Variants in HIF3A observed in about 807,000 individuals in gnomAD.
The protein encoded by HIF3A is hypoxia inducible factor 3 subunit alpha.
HIF3A carries 41 observed loss-of-function variants against 67.2 expected under a neutral mutation model. That is an observed-to-expected ratio of 0.61 (90% CI 0.48 to 0.79). HIF3A has a LOEUF of 0.79. Ranked by LOEUF, HIF3A falls within the 30% of genes least tolerant of loss-of-function variation. HIF3A has a pLI of 0.00. For missense variants in HIF3A, 855 were observed against 898.0 expected (o/e 0.95, Z 0.61); for synonymous variants, 356 against 374.8 (o/e 0.95, Z 0.58).
chr19:46,307,841 G>T (rs151103122), intron 3 of HIF3A, among the ~76,000 whole-genome samples: 2 of 152,054 alleles, frequency 1.3e-5, no homozygotes, highest in Non-Finnish European at 2.9e-5. Flanking sequence ...GGATCAGATC[G>T]CTTGAGCCCA....
At position 46,309,285 on chromosome 19, in the gene HIF3A, G is replaced by A; in HGVS notation, c.696G>A (p.Leu232=). 2 of 1,613,662 alleles carry A rather than the reference G, an allele frequency of 1.2e-6. No individual in the cohort carries two copies. Among genetic ancestry groups the A allele is most frequent in the Non-Finnish European group, 1.7e-6 (2 of 1,179,854 alleles). ...ICEAIPHPGS[L]EPPLGRGAFL... is the part of the protein sequence containing the mutation. The stretch of plus-strand genomic sequence containing the variant: ...AAGCCATCCCCCACCCAGGCAGCCT[G>A]GAGCCCCCACTGGGCCGAGGGGCCT... The change falls in exon 6 of 15, where the codon CTG becomes CTA. Residue 232 remains leucine (L), a synonymous_variant. Transcript: ENST00000377670.
At chr19:46,308,874 G>A (rs1969162467) in intron 5 of HIF3A, 99 bp downstream of exon 5, 11 of 830,716 alleles carry the variant, frequency 1.3e-5, no homozygotes, top group Middle Eastern at 6.0e-4. Flanking sequence ...CTCCTAGGCT[G>A]GGGACCCTGC....
chr19:46,300,294 C>T (rs1601177341), intron 1 of HIF3A, among the ~76,000 whole-genome samples: 1 of 152,180 alleles, frequency 6.6e-6, no homozygotes, highest in Non-Finnish European at 1.5e-5. Context: ...GAGTAATCCA[C>T]AGGTTACTGT....
intron 9 of HIF3A, 109 bp from the exon 10 acceptor site, chr19:46,321,667 C>G (rs1648475332): frequency 2.0e-6 from 2 of 978,574 alleles, no homozygotes; most frequent in Admixed American, 2.0e-5. Context: ...CAGTGGCCAT[C>G]CTGACCTGCT....
chr19:46,343,127 C>CTTA lies in HIF3A; in HGVS notation c.*3505_*3506insTTA, dbSNP rs1971988123. 6.5e-6 allele frequency: 1 copy of CTTA among 152,884 alleles called. No homozygotes were observed. 9.5% of individuals were successfully genotyped at this position (152,884 alleles called of 1,614,324 possible). A position where few individuals can be genotyped will look rare whatever the true frequency, so the allele number is the denominator to read the frequency against. On this transcript the variant is annotated 3_prime_UTR_variant, in exon 15 of 15. Coordinates refer to ENST00000377670, the MANE Select transcript of HIF3A (RefSeq NM_152795.4). ...CCACCATCTATGTGCCTCCCTTACC[C>CTTA]CCCAGCTTTCTTTCTACAGATGGTG...
intron 7 of HIF3A, 46 bp from the exon 8 acceptor site, chr19:46,312,460 A>C: frequency 1.2e-6 from 2 of 1,602,760 alleles, no homozygotes; most frequent in Non-Finnish European, 1.7e-6. Flanking sequence ...TTCTCTCCCC[A>C]TTTGCCCCCT....
At chr19:46,308,195 A>AC (rs1200430204) in intron 3 of HIF3A, 26 bp from the exon 4 acceptor site, 1 of 1,491,532 alleles carries the variant, frequency 6.7e-7, no homozygotes, top group Non-Finnish European at 9.4e-7. Context: ...GCCCTGGTAG[A>AC]CCCCCACCCC....
intron 10 of HIF3A, among the ~76,000 whole-genome samples, chr19:46,323,709 C>T (rs974038908): frequency 4.6e-5 from 7 of 152,146 alleles, no homozygotes; most frequent in East Asian, 1.9e-4. Context: ...AATGGACTCA[C>T]GGTTCCACAT....
At chr19:46,325,662 G>A in intron 11 of HIF3A, 23 bp downstream of exon 11, 1 of 1,478,866 alleles carries the variant, frequency 6.8e-7, no homozygotes, top group Non-Finnish European at 9.4e-7. Context: ...ATGGAAGGGA[G>A]TAATCCTCAG....
chr19:46,329,472 G>T lies in HIF3A; in HGVS notation c.1706G>T (p.Arg569Leu). Reference sequence around the variant, plus strand: ...GCATCCTCTCCCATGGCTGGGGCTCGGAAGAGGTGAGCCACAGTAAAGGGG... The same window carrying T: ...GCATCCTCTCCCATGGCTGGGGCTCTGAAGAGGTGAGCCACAGTAAAGGGG... ...PSASSPMAGA[R>L]KRTLAQSSED... Residue 569 changes from arginine to leucine, a missense_variant, in exon 12 of 15, where the codon CGG (arginine) becomes CTG (leucine). Arg to Leu is a moderately radical substitution (Grantham distance 102, BLOSUM62 -2). Coordinates refer to ENST00000377670, the MANE Select transcript of HIF3A (RefSeq NM_152795.4). 1 of 1,516,322 alleles carries T rather than the reference G, an allele frequency of 6.6e-7. No individual in the cohort carries two copies. Among genetic ancestry groups the T allele is most frequent in the Non-Finnish European group, 8.8e-7 (1 of 1,131,382 alleles). 93.9% of individuals were successfully genotyped at this position (1,516,322 alleles called of 1,614,324 possible).
At chr19:46,335,127 TCTCTC>T in intron 14 of HIF3A, 141 bp downstream of exon 14, 2 of 594,292 alleles carry the variant, frequency 3.4e-6, no homozygotes, top group Non-Finnish European at 5.7e-6. Context: ...TCCTGTCTCT[TCTCTC>T]TTCTCATGGG....
At chr19:46,307,099 G>GT (rs112686328) in intron 3 of HIF3A, among the ~76,000 whole-genome samples, 53,869 of 151,860 alleles carry the variant, frequency 0.35, 10,512 homozygotes, top group African/African-American at 0.51. Context: ...TTGTTCAGCA[G>GT]CTTTTTAAAT....
chr19:46,321,025 C>A (rs974910127), intron 9 of HIF3A, among the ~76,000 whole-genome samples: 4 of 152,156 alleles, frequency 2.6e-5, no homozygotes, highest in Non-Finnish European at 5.9e-5. Context: ...CCTTCAAGAC[C>A]TCACCTTCTC....
In HIF3A at chr19:46,297,043, C is replaced by A. The variant is rs760740566; in HGVS notation, c.-34C>A. On this transcript the variant is annotated 5_prime_UTR_variant, in exon 1 of 15. Coordinates refer to ENST00000377670, the MANE Select transcript of HIF3A (RefSeq NM_152795.4). The surrounding 1 kb of genome is among the most constrained non-coding windows in gnomAD (Gnocchi z 4.5). ...GCAAGGCCGGGGAGGGGGCTAGGGGCCTCCGAGGGCTCCGGAGCGGCGACT... is the reference window on the plus strand; with the variant it reads ...GCAAGGCCGGGGAGGGGGCTAGGGGACTCCGAGGGCTCCGGAGCGGCGACT... 1.5e-6 allele frequency: 2 copies of A among 1,294,506 alleles called. No homozygotes were observed. Among genetic ancestry groups the A allele is most frequent in the African/African-American group, 3.0e-5 (2 of 66,084 alleles). The allele number at this position is 1,294,506 out of a possible 1,614,324, so 80.2% of individuals were successfully genotyped here. A position where few individuals can be genotyped will look rare whatever the true frequency, so the allele number is the denominator to read the frequency against.
chr19:46,330,489 GGGAT>G (rs560533077), intron 12 of HIF3A, among the ~76,000 whole-genome samples: 3,962 of 151,498 alleles, frequency 0.026, 80 homozygotes, highest in African/African-American at 0.042. Context: ...GATGGATGGA[GGGAT>G]GGATGGATGG....
At chr19:46,323,296 G>A (rs539184336) in intron 10 of HIF3A, among the ~76,000 whole-genome samples, 10 of 151,922 alleles carry the variant, frequency 6.6e-5, no homozygotes, top group Admixed American at 2.6e-4. Flanking sequence ...TGATCCACCC[G>A]CCTCGGCCTC....
At chr19:46,300,221 T>G (rs1968205899) in intron 1 of HIF3A, among the ~76,000 whole-genome samples, 1 of 152,210 alleles carries the variant, frequency 6.6e-6, no homozygotes, top group African/African-American at 2.4e-5. Context: ...ATCCTCCTTT[T>G]AAGATGCTTG....
intron 14 of HIF3A, among the ~76,000 whole-genome samples, chr19:46,338,984 A>T (rs1302341409): frequency 6.6e-6 from 1 of 152,080 alleles, no homozygotes; most frequent in East Asian, 1.9e-4. Context: ...AAATAACCCG[A>T]TCAATCTTTT....
chr19:46,306,301 T>A (rs1315236010), intron 3 of HIF3A, among the ~76,000 whole-genome samples: 1 of 151,970 alleles, frequency 6.6e-6, no homozygotes, highest in Non-Finnish European at 1.5e-5. Flanking sequence ...TTTTGAAAGA[T>A]CCTCTAGGTA....
Sources: gnomAD v4.1 joint callset for allele counts (sites outside exome capture counted in the v4.1 genomes callset) on GRCh38, gnomAD v4.1.1 for gene constraint, Gnocchi (gnomAD v3.1) non-coding constraint, MANE v1.5 for transcripts, NCBI Gene and HGNC (gene_info 2026-07-23, HGNC 2026-07-21) for gene names.